FAM210A: variants seen among roughly 807,000 people sequenced by gnomAD.
FAM210A encodes family with sequence similarity 210 member A.
Under a neutral mutation model 25.3 loss-of-function variants are expected in FAM210A, and 13 were observed. The observed-to-expected ratio is 0.51, with a 90% confidence interval of 0.33 to 0.82. The LOEUF is 0.82. Among genes scored for constraint, FAM210A ranks in the 40% least tolerant of loss-of-function variants. The pLI, the probability that FAM210A is intolerant of heterozygous loss-of-function variation, is 0.02. For synonymous variants in FAM210A, 125 were observed against 118.7 expected (o/e 1.05, Z -0.35); for missense variants, 319 against 323.2 (o/e 0.99, Z 0.10).
intron 1 of FAM210A, chr18:13,715,107 C>T (rs2043850265): frequency 6.6e-6 from 1 of 152,014 alleles, no homozygotes; most frequent in Non-Finnish European, 1.5e-5. Flanking sequence ...GAGACAGGGT[C>T]TTGCTATTTT....
chr18:13,712,364 C>G (rs149598057), intron 1 of FAM210A, among the ~76,000 whole-genome samples: 18 of 152,236 alleles, frequency 1.2e-4, no homozygotes, highest in African/African-American at 3.4e-4. Context: ...AAGCATGTGA[C>G]CTAAAAATTG....
At chr18:13,681,524 T>C in intron 2 of FAM210A, 81 bp downstream of exon 2, 1 of 1,129,784 alleles carries the variant, frequency 8.9e-7, no homozygotes. Context: ...CATTTAAAAA[T>C]CTAAAGCTAT....
At chr18:13,714,108 C>T (rs982915925) in intron 1 of FAM210A, among the ~76,000 whole-genome samples, 6 of 152,194 alleles carry the variant, frequency 3.9e-5, no homozygotes, top group Admixed American at 6.5e-5. Context: ...GGACATTACA[C>T]AGAACTGTAA....
intron 1 of FAM210A, among the ~76,000 whole-genome samples, chr18:13,691,641 C>G (rs2149061243): frequency 6.6e-6 from 1 of 151,502 alleles, no homozygotes; most frequent in East Asian, 1.9e-4. Context: ...AATTTCATAT[C>G]CAGCCAAACT....
At chr18:13,718,349 G>C (rs1243824896) in intron 1 of FAM210A, among the ~76,000 whole-genome samples, 2 of 152,126 alleles carry the variant, frequency 1.3e-5, no homozygotes, top group African/African-American at 4.8e-5. Context: ...GAGTACAACT[G>C]TATAAAAGCA....
At chr18:13,724,858 C>T (rs2043922906) in intron 1 of FAM210A, among the ~76,000 whole-genome samples, 1 of 152,204 alleles carries the variant, frequency 6.6e-6, no homozygotes, top group Non-Finnish European at 1.5e-5. Context: ...ACTGCAACCT[C>T]CGCCTTCCGG....
intron 1 of FAM210A, among the ~76,000 whole-genome samples, chr18:13,682,774 C>T (rs535819896): frequency 8.7e-4 from 133 of 152,060 alleles, no homozygotes; most frequent in Non-Finnish European, 1.8e-3. Flanking sequence ...GAGGCTGAGG[C>T]ATGAGAATTG....
At chr18:13,676,570 C>T (rs990314204) in intron 2 of FAM210A, among the ~76,000 whole-genome samples, 2 of 152,232 alleles carry the variant, frequency 1.3e-5, no homozygotes, top group Admixed American at 1.3e-4. Context: ...ACCCTTCGCC[C>T]CTAAATCAGA....
At chr18:13,704,051 C>T (rs1219520613) in intron 1 of FAM210A, among the ~76,000 whole-genome samples, 1 of 152,070 alleles carries the variant, frequency 6.6e-6, no homozygotes, top group African/African-American at 2.4e-5. Flanking sequence ...AGTCAAAGTC[C>T]AAGCATGCCA....
intron 1 of FAM210A, among the ~76,000 whole-genome samples, chr18:13,691,461 C>A (rs184581968): frequency 3.3e-5 from 5 of 152,054 alleles, no homozygotes; most frequent in African/African-American, 1.2e-4. Context: ...TTGTCAGATT[C>A]GCCAAAGTTG....
chr18:13,681,966 A>G lies in FAM210A; in HGVS notation c.112T>C (p.Leu38=). ...HCQNVKGPLL[L]YNAESKVVLV... ...ACCACTTTGGATTCAGCATTGTATA[A>G]AAGTAAAGGTCCCTTTACATTTTGA... Residue 38 remains leucine (L), a synonymous_variant, in exon 2 of 4, where the codon TTA becomes CTA. Transcript: ENST00000651643. 1 of 1,614,180 alleles carries G rather than the reference A, an allele frequency of 6.2e-7. No individual in the cohort carries two copies. The highest frequency in any genetic ancestry group is 1.1e-5 in the South Asian group (1 of 91,082).
chr18:13,688,403 C>G (rs1473235336), intron 1 of FAM210A, among the ~76,000 whole-genome samples: 3 of 152,202 alleles, frequency 2.0e-5, no homozygotes, highest in African/African-American at 7.2e-5. Context: ...GAAAAAACAG[C>G]TGGACATCAA....
intron 1 of FAM210A, among the ~76,000 whole-genome samples, chr18:13,721,767 C>G (rs1390124324): frequency 6.6e-6 from 1 of 152,118 alleles, no homozygotes; most frequent in Non-Finnish European, 1.5e-5. Context: ...CTAACCTCAA[C>G]AAGTCCCTAC....
intron 1 of FAM210A, among the ~76,000 whole-genome samples, chr18:13,722,109 A>G (rs537030809): frequency 6.6e-6 from 1 of 151,336 alleles, no homozygotes; most frequent in Non-Finnish European, 1.5e-5. Context: ...TTGACCTAGA[A>G]CTCTTCTGCT....
intron 2 of FAM210A, among the ~76,000 whole-genome samples, chr18:13,673,644 G>A (rs1322665052): frequency 1.2e-4 from 17 of 140,796 alleles, no homozygotes; most frequent in African/African-American, 5.4e-5. Context: ...CCTGAGACCC[G>A]ACTTCTTTAT....
At chr18:13,689,801 G>A (rs1262913616) in intron 1 of FAM210A, among the ~76,000 whole-genome samples, 1 of 152,242 alleles carries the variant, frequency 6.6e-6, no homozygotes, top group Non-Finnish European at 1.5e-5. Flanking sequence ...TTAATTGGCT[G>A]TGGTTCCAAG....
At chr18:13,696,626 G>GTAGAA (rs1225824400) in intron 1 of FAM210A, among the ~76,000 whole-genome samples, 21 of 152,152 alleles carry the variant, frequency 1.4e-4, no homozygotes, top group Admixed American at 1.4e-3. Context: ...GATGGTGGAG[G>GTAGAA]TAGAAGACAG....
At chr18:13,676,215 T>C (rs1476687160) in intron 2 of FAM210A, among the ~76,000 whole-genome samples, 30 of 114,672 alleles carry the variant, frequency 2.6e-4, no homozygotes, top group Non-Finnish European at 3.9e-4. Flanking sequence ...GAGCCCCGGC[T>C]TCTTTATTTC....
At chr18:13,690,548 G>A (rs1419230180) in intron 1 of FAM210A, among the ~76,000 whole-genome samples, 1 of 152,194 alleles carries the variant, frequency 6.6e-6, no homozygotes, top group Non-Finnish European at 1.5e-5. Context: ...GCCCCTCTGA[G>A]ACAAAGCTTC....
Sources: gnomAD v4.1 joint callset for allele counts (sites outside exome capture counted in the v4.1 genomes callset) on GRCh38, gnomAD v4.1.1 for gene constraint, MANE v1.5 for transcripts, NCBI Gene and HGNC (gene_info 2026-07-23, HGNC 2026-07-21) for gene names.